Variants in CAMSAP2 observed in about 807,000 individuals in gnomAD.
CAMSAP2 encodes calmodulin regulated spectrin associated protein family member 2, also known as calmodulin-regulated spectrin-associated protein 2.
Under a neutral mutation model 146.1 loss-of-function variants are expected in CAMSAP2, and 26 were observed. The observed-to-expected ratio is 0.18, with a 90% CI of 0.13 to 0.25. The LOEUF (loss-of-function observed/expected upper bound fraction) is 0.25. CAMSAP2 is among the 10% of genes least tolerant of loss of function. CAMSAP2 has a pLI of 1.00. For synonymous variants in CAMSAP2, 499 were observed against 596.6 expected, an observed-to-expected ratio of 0.84 and a Z score of 2.38; for missense variants, 1,381 against 1,759.3, an observed-to-expected ratio of 0.78 and a Z score of 3.85.
chr1:200,813,597 T>C (rs1558188717), intron 3 of CAMSAP2, among the ~76,000 whole-genome samples: 1 of 152,240 alleles, frequency 6.6e-6, no homozygotes, highest in Non-Finnish European at 1.5e-5. Flanking sequence ...TCAGTAGATA[T>C]CTGTTGAATG....
intron 14 of CAMSAP2, among the ~76,000 whole-genome samples, chr1:200,855,348 C>G (rs1289621088): frequency 6.6e-6 from 1 of 152,032 alleles, no homozygotes; most frequent in Non-Finnish European, 1.5e-5. Context: ...GATTCTTTCT[C>G]TAGATTAGAA....
In CAMSAP2 at chr1:200,822,987, G is replaced by A. The variant is rs560178271; in HGVS notation, c.645+7343G>A. Among the ~76,000 whole-genome samples the A allele has an allele frequency of 7.9e-5, 12 of 152,144 alleles. 1 individual carries two copies. Among genetic ancestry groups the A allele is most frequent in the East Asian group, 3.9e-4 (2 of 5,182 alleles). ...GGGGGGACAGCTATATTATGTTTCC[G>A]TTTGTAATAGGTAATTTGAGAGGAG... On this transcript the variant is annotated intron_variant, in intron 4 of 16. Transcript: ENST00000358823.
At chr1:200,777,307 C>T (rs1414241224) in intron 2 of CAMSAP2, among the ~76,000 whole-genome samples, 1 of 152,116 alleles carries the variant, frequency 6.6e-6, no homozygotes, top group Non-Finnish European at 1.5e-5. Context: ...AAATTATTTC[C>T]TTCCCCTTGA....
intron 4 of CAMSAP2, among the ~76,000 whole-genome samples, chr1:200,828,177 A>G (rs1666951083): frequency 6.6e-6 from 1 of 152,150 alleles, no homozygotes; most frequent in South Asian, 2.1e-4. Flanking sequence ...CTTGTCAGAC[A>G]CAGTCTACTA....
chr1:200,851,574 CAT>C (rs538458060), intron 11 of CAMSAP2, among the ~76,000 whole-genome samples: 67 of 152,288 alleles, frequency 4.4e-4, no homozygotes, highest in African/African-American at 1.5e-3. Context: ...TAGATGAAGA[CAT>C]ATGAATGTTT....
At chr1:200,845,438 C>T (rs1362239294) in intron 8 of CAMSAP2, among the ~76,000 whole-genome samples, 1 of 152,016 alleles carries the variant, frequency 6.6e-6, no homozygotes. Context: ...AAAGCAGTGC[C>T]TCCTCAAGCA....
chr1:200,779,890 T>G lies in CAMSAP2; in HGVS notation c.399+18792T>G, dbSNP rs976462070. On this transcript the variant is annotated intron_variant, in intron 2 of 16. Coordinates refer to ENST00000358823, the MANE Select transcript of CAMSAP2 (RefSeq NM_203459.4). ...ATTTTTCATAATTTTGAAATAAAAA[T>G]GGAAAATTCTTTAAACTTTTTTTAA... Among the ~76,000 whole-genome samples the G allele has an allele frequency of 3.3e-5, 5 of 152,298 alleles. No individual in the cohort carries two copies. The South Asian group carries it at 1.0e-3, about 32-fold the overall frequency.
intron 9 of CAMSAP2, 134 bp downstream of exon 9, chr1:200,847,426 T>C: frequency 5.3e-6 from 4 of 760,000 alleles, no homozygotes; most frequent in Non-Finnish European, 8.4e-6. Flanking sequence ...TGTTTGTTTG[T>C]TTGTTTTCTG....
chr1:200,835,739 A>G (rs533548882), intron 6 of CAMSAP2, among the ~76,000 whole-genome samples: 1 of 152,156 alleles, frequency 6.6e-6, no homozygotes, highest in Non-Finnish European at 1.5e-5. Context: ...TTTTCAGGTA[A>G]TAACAGAAAT....
Position 200,766,703 on chromosome 1 carries a change from A to G in CAMSAP2, c.399+5605A>G, listed in dbSNP as rs78753241. ...TACTTCTCTTTTACATGATAACAGGATAAATCCTATGTTCTTAACCACTAA... is the reference window on the plus strand; with the variant it reads ...TACTTCTCTTTTACATGATAACAGGGTAAATCCTATGTTCTTAACCACTAA... On this transcript the variant is annotated intron_variant, in intron 2 of 16. Transcript: ENST00000358823. 1.9e-3 allele frequency among the ~76,000 whole-genome samples: 289 copies of G among 152,228 alleles called. 2 individuals are homozygous for G. The highest frequency in any genetic ancestry group is 6.6e-3 in the African/African-American group (276 of 41,526).
intron 6 of CAMSAP2, among the ~76,000 whole-genome samples, chr1:200,833,277 T>C (rs1667091621): frequency 6.6e-6 from 1 of 151,538 alleles, no homozygotes; most frequent in Non-Finnish European, 1.5e-5. Flanking sequence ...ATGTACAAAA[T>C]TGGCCAGTTG....
At chr1:200,792,173 A>T (rs2103032570) in intron 2 of CAMSAP2, among the ~76,000 whole-genome samples, 1 of 152,302 alleles carries the variant, frequency 6.6e-6, no homozygotes, top group East Asian at 1.9e-4. Flanking sequence ...AAAAACATTA[A>T]TGAGATAGTT....
At chr1:200,802,107 T>C (rs961859027) in intron 2 of CAMSAP2, among the ~76,000 whole-genome samples, 8 of 152,262 alleles carry the variant, frequency 5.3e-5, no homozygotes, top group African/African-American at 1.9e-4. Flanking sequence ...TATATAAGAA[T>C]GTCTTTGGAT....
At chr1:200,769,202 C>G (rs939978514) in intron 2 of CAMSAP2, among the ~76,000 whole-genome samples, 1 of 152,114 alleles carries the variant, frequency 6.6e-6, no homozygotes, top group East Asian at 1.9e-4. Context: ...TGCTTTTGAA[C>G]TCTTGTATTT....
chr1:200,760,127 C>T (rs1571724008), intron 1 of CAMSAP2, among the ~76,000 whole-genome samples: 1 of 152,154 alleles, frequency 6.6e-6, no homozygotes, highest in Non-Finnish European at 1.5e-5. Flanking sequence ...CATTTCTAAA[C>T]TACTACTTAT....
chr1:200,760,733 T>G (rs1664776689), intron 1 of CAMSAP2, 106 bp from the exon 2 acceptor site: 1 of 825,030 alleles, frequency 1.2e-6, no homozygotes, highest in Non-Finnish European at 1.8e-6. Context: ...TGCTATATTT[T>G]TAGAGGGAAT....
intron 3 of CAMSAP2, among the ~76,000 whole-genome samples, chr1:200,813,644 A>G (rs1406936272): frequency 6.6e-6 from 1 of 152,188 alleles, no homozygotes; most frequent in Non-Finnish European, 1.5e-5. Flanking sequence ...TAAAATGTTA[A>G]TTTGTGACCA....
intron 1 of CAMSAP2, among the ~76,000 whole-genome samples, chr1:200,752,929 C>CA (rs1248185086): frequency 6.6e-6 from 1 of 151,602 alleles, no homozygotes; most frequent in African/African-American, 2.4e-5. Context: ...GTTGTCATGT[C>CA]TCTTAAGTCT....
intron 4 of CAMSAP2, among the ~76,000 whole-genome samples, chr1:200,818,621 C>A (rs185320190): frequency 6.6e-6 from 1 of 151,920 alleles, no homozygotes. Context: ...CAGGTGTTGT[C>A]ATTATGAAGA....
Sources: allele counts gnomAD v4.1 joint callset (sites outside exome capture counted in the v4.1 genomes callset), GRCh38; gene constraint gnomAD v4.1.1; transcripts MANE v1.5; gene names NCBI Gene and HGNC (gene_info 2026-07-23, HGNC 2026-07-21).